EYS: variants seen among roughly 807,000 people sequenced by gnomAD.
EYS encodes the protein EGF-like photoreceptor maintenance factor.
EYS carries 250 observed loss-of-function variants against 282.1 expected under a neutral mutation model. The observed-to-expected ratio is 0.89, with a 90% CI of 0.80 to 0.98. The LOEUF is 0.98. Among genes scored for constraint, EYS ranks in the 50% least tolerant of loss-of-function variants. The pLI is 0.00. For synonymous variants in EYS, 1,355 were observed against 1,282.9 expected, an observed-to-expected ratio of 1.06 and a Z score of -1.20; for missense variants, 4,016 against 3,709.0, an observed-to-expected ratio of 1.08 and a Z score of -2.15.
chr6:65,446,676 C>T (rs897612729), intron 5 of EYS, among the ~76,000 whole-genome samples: 1 of 151,826 alleles, frequency 6.6e-6, no homozygotes, highest in African/African-American at 2.4e-5. Flanking sequence ...AAAAGCAAAA[C>T]ATTGTTCTTG....
rs922819198 is a variant in EYS at position 65,291,779 on chromosome 6, G to A, written c.2023+4084C>T. 9.9e-5 allele frequency among the ~76,000 whole-genome samples: 15 copies of A among 151,618 alleles called. No homozygotes were observed. In the South Asian group the frequency reaches 3.1e-3, roughly 31 times the overall value. On this transcript the variant is annotated intron_variant, in intron 12 of 42. Coordinates refer to ENST00000503581, the MANE Select transcript of EYS (RefSeq NM_001142800.2). ...CAAAGATGAGGCTCATTTTCATGAA[G>A]AACTAAATTCTCAGTACATCGAAAG...
chr6:64,557,217 T>TACAC (rs3994994), intron 26 of EYS, among the ~76,000 whole-genome samples: 2,205 of 148,010 alleles, frequency 0.015, 12 homozygotes, highest in Middle Eastern at 0.024. Context: ...CACACACACA[T>TACAC]ACACACACAC....
chr6:65,333,200 G>A lies in EYS; in HGVS notation c.1766+1780C>T, dbSNP rs1161434420. ...TTTACAGCTATAAATTTTATTCGCA[G>A]CACTGCATCACCCACATCCCATGAG... On this transcript the variant is annotated intron_variant, in intron 11 of 42. Transcript: ENST00000503581. 5.9e-5 allele frequency among the ~76,000 whole-genome samples: 9 copies of A among 151,362 alleles called. No homozygotes were observed. The Admixed American group carries it at 6.0e-4, about 10-fold the overall frequency.
In EYS at chr6:63,774,160, C is replaced by T. The variant is rs1770001918; in HGVS notation, c.7898+3846G>A. Among the ~76,000 whole-genome samples the T allele has an allele frequency of 4.0e-5, 6 of 151,830 alleles. 1 individual carries two copies. The highest frequency in any genetic ancestry group is 3.9e-4 in the Admixed American group (6 of 15,218). On this transcript the variant is annotated intron_variant, in intron 40 of 42. Transcript: ENST00000503581. ...ACTTGTTTTTGTAAGTTTTGTTTTT[C>T]CTACACTGCTTTTCTTTTTTTTTTT...
At chr6:65,164,818 T>C (rs1285570810) in intron 12 of EYS, among the ~76,000 whole-genome samples, 1 of 151,200 alleles carries the variant, frequency 6.6e-6, no homozygotes, top group Admixed American at 6.6e-5. Flanking sequence ...TCATCACTCA[T>C]TGAATTCTCG....
At chr6:64,755,518 AC>A (rs1772907618) in intron 22 of EYS, among the ~76,000 whole-genome samples, 1 of 151,540 alleles carries the variant, frequency 6.6e-6, no homozygotes, top group South Asian at 2.1e-4. Context: ...ACACACACAC[AC>A]ACACACACAC....
chr6:64,427,668 C>A (rs1774452355), intron 28 of EYS, among the ~76,000 whole-genome samples: 1 of 151,926 alleles, frequency 6.6e-6, no homozygotes, highest in South Asian at 2.1e-4. Flanking sequence ...CTGAAGGAAG[C>A]AAATATAGGC....
chr6:64,005,741 T>G (rs898333256), intron 33 of EYS, among the ~76,000 whole-genome samples: 1 of 152,124 alleles, frequency 6.6e-6, no homozygotes, highest in Non-Finnish European at 1.5e-5. Flanking sequence ...TTCCCATTGC[T>G]TTTTTTGTTA....
At position 65,184,465 on chromosome 6, in the gene EYS, T is replaced by C. The variant is rs183596779; in HGVS notation, c.2023+111398A>G. Among the ~76,000 whole-genome samples the C allele has an allele frequency of 3.2e-4, 49 of 151,896 alleles. 1 individual carries two copies. In the East Asian group the frequency reaches 9.2e-3, roughly 29 times the overall value. On this transcript the variant is annotated intron_variant, in intron 12 of 42. Coordinates refer to ENST00000503581, the MANE Select transcript of EYS (RefSeq NM_001142800.2). ...TCTCCCAATACTATAAAAATGGCAA[T>C]TAAATTTCAACAAGAGTTTTGGAGA... is the stretch of plus-strand genomic sequence containing the variant.
At chr6:65,301,868 A>C (rs1422231079) in intron 11 of EYS, among the ~76,000 whole-genome samples, 12 of 152,348 alleles carry the variant, frequency 7.9e-5, no homozygotes, top group African/African-American at 2.4e-4. Context: ...CTTGAGAAGG[A>C]GGCTGTGGAA....
chr6:65,462,902 T>C (rs993532440), intron 5 of EYS, among the ~76,000 whole-genome samples: 9 of 152,146 alleles, frequency 5.9e-5, no homozygotes. Context: ...TTTTTTTCTA[T>C]ACTTCAATAA....
chr6:64,485,037 T>C (rs1443923715), intron 26 of EYS, among the ~76,000 whole-genome samples: 5 of 151,568 alleles, frequency 3.3e-5, no homozygotes, highest in African/African-American at 1.2e-4. Context: ...GACTCAGAGC[T>C]TACTGATTTA....
At chr6:65,000,205 C>A (rs1227946485) in intron 13 of EYS, among the ~76,000 whole-genome samples, 3 of 152,124 alleles carry the variant, frequency 2.0e-5, no homozygotes, top group Admixed American at 6.5e-5. Context: ...AGGAATGGGG[C>A]ACTGAAGAAG....
intron 5 of EYS, among the ~76,000 whole-genome samples, chr6:65,457,400 A>G (rs1562196407): frequency 2.0e-5 from 3 of 151,972 alleles, no homozygotes; most frequent in South Asian, 4.1e-4. Flanking sequence ...CCTGGCCTCA[A>G]GCAATCCTTC....
chr6:65,086,276 A>G (rs528319635), intron 12 of EYS, among the ~76,000 whole-genome samples: 1 of 152,106 alleles, frequency 6.6e-6, no homozygotes, highest in East Asian at 1.9e-4. Flanking sequence ...AGATTGTGCC[A>G]TTGCACTCCA....
chr6:64,637,013 A>T (rs1768006929), intron 22 of EYS, among the ~76,000 whole-genome samples: 1 of 114,400 alleles, frequency 8.7e-6, no homozygotes, highest in Non-Finnish European at 1.8e-5. Flanking sequence ...AACTAGTTCA[A>T]CCATTGTGGA....
At chr6:64,685,780 G>T (rs1451534397) in intron 22 of EYS, among the ~76,000 whole-genome samples, 1 of 152,050 alleles carries the variant, frequency 6.6e-6, no homozygotes, top group Middle Eastern at 3.2e-3. Flanking sequence ...GTATACTTCA[G>T]AATACACTAT....
intron 32 of EYS, among the ~76,000 whole-genome samples, chr6:64,077,461 A>G (rs1771813138): frequency 1.3e-5 from 2 of 152,002 alleles, no homozygotes; most frequent in Non-Finnish European, 2.9e-5. Context: ...TCTTCCATAA[A>G]TGCAAATGAA....
chr6:64,617,951 C>T (rs1338238060), intron 23 of EYS, among the ~76,000 whole-genome samples: 1 of 152,130 alleles, frequency 6.6e-6, no homozygotes, highest in Non-Finnish European at 1.5e-5. Flanking sequence ...GAGGAAAGCA[C>T]CTACTATAGA....
Sources: gnomAD v4.1 joint callset for allele counts (sites outside exome capture counted in the v4.1 genomes callset) on GRCh38, gnomAD v4.1.1 for gene constraint, MANE v1.5 for transcripts, NCBI Gene and HGNC (gene_info 2026-07-23, HGNC 2026-07-21) for gene names.